Variants in RHBDL3 observed in about 807,000 individuals in gnomAD.
The protein encoded by RHBDL3 is rhomboid like 3, also known as rhomboid-related protein 3.
In RHBDL3, 28 loss-of-function variants were observed where a neutral mutation model predicts 48.2. That is an observed-to-expected ratio of 0.58 (90% confidence interval 0.43 to 0.80). The LOEUF (loss-of-function observed/expected upper bound fraction) is 0.80. RHBDL3 is among the 30% of genes least tolerant of loss of function. RHBDL3 has a pLI of 0.00. For missense variants in RHBDL3, 464 were observed against 542.7 expected (o/e 0.85, Z 1.44); for synonymous variants, 208 against 232.3 (o/e 0.90, Z 0.95).
rs542322931 is a variant in RHBDL3 at position 32,275,787 on chromosome 17, C to T, written c.135+7862C>T. Among the ~76,000 whole-genome samples, 16 of 152,252 alleles carry T rather than the reference C, an allele frequency of 1.1e-4. No individual in the cohort carries two copies. The South Asian group carries it at 1.9e-3, about 18-fold the overall frequency. The stretch of plus-strand genomic sequence containing the variant: ...ACCATGAGAGGGCTGAGCTGCCTCC[C>T]GCACCCCTCTATGGTGGCAGCTGAG... On this transcript the variant is annotated intron_variant, in intron 2 of 8. Coordinates refer to ENST00000269051, the MANE Select transcript of RHBDL3 (RefSeq NM_138328.3).
At position 32,321,316 on chromosome 17, in the gene RHBDL3, C is replaced by T. The variant is rs1369251397; in HGVS notation, c.*87C>T. The T allele has an allele frequency of 1.3e-6, 2 of 1,588,244 alleles. No homozygotes were observed. The highest frequency in any genetic ancestry group is 1.7e-6 in the Non-Finnish European group (2 of 1,170,554). On this transcript the variant is annotated 3_prime_UTR_variant, in exon 9 of 9. Coordinates refer to ENST00000269051, the MANE Select transcript of RHBDL3 (RefSeq NM_138328.3). The stretch of plus-strand genomic sequence containing the variant: ...AGGTTTCTTCTCATCACCAGCTCAG[C>T]TAGGCCGGGCAGACAAGGACAGAAG...
intron 7 of RHBDL3, among the ~76,000 whole-genome samples, chr17:32,309,679 T>C (rs1251113023): frequency 2.0e-5 from 3 of 151,678 alleles, no homozygotes; most frequent in East Asian, 3.9e-4. Context: ...GGTAATCCCA[T>C]CTTCACAAAA....
intron 8 of RHBDL3, among the ~76,000 whole-genome samples, chr17:32,316,816 C>A (rs1001152620): frequency 6.6e-6 from 1 of 150,604 alleles, no homozygotes; most frequent in African/African-American, 2.4e-5. Flanking sequence ...CCACGCCTGG[C>A]CTTTTATTTT....
chr17:32,289,683 C>T (rs1352335836), intron 4 of RHBDL3, among the ~76,000 whole-genome samples: 1 of 152,204 alleles, frequency 6.6e-6, no homozygotes, highest in Non-Finnish European at 1.5e-5. Context: ...CCCCTTGCTG[C>T]GTTGGTGCCC....
intron 3 of RHBDL3, among the ~76,000 whole-genome samples, chr17:32,286,909 C>T (rs969744777): frequency 6.6e-6 from 1 of 152,224 alleles, no homozygotes; most frequent in Non-Finnish European, 1.5e-5. Context: ...GCTCCTTTAT[C>T]TGATTGGCAC....
At position 32,266,100 on chromosome 17, in the gene RHBDL3, T is replaced by G. The variant is rs1204898101; in HGVS notation, c.-90T>G. 6 of 278,338 alleles carry G rather than the reference T, an allele frequency of 2.2e-5. No homozygotes were observed. The highest frequency in any genetic ancestry group is 6.9e-5 in the Admixed American group (1 of 14,546). 17.2% of individuals were successfully genotyped at this position (278,338 alleles called of 1,614,324 possible). On this transcript the variant is annotated 5_prime_UTR_variant, in exon 1 of 9. Transcript: ENST00000269051. ...GGCGGCGCGGCGCGCACTGAGCCCC[T>G]GGAGCGGCGCGGCCGCCGCGGCGCA...
chr17:32,282,789 A>AT (rs1170211917), intron 2 of RHBDL3, among the ~76,000 whole-genome samples: 1 of 151,918 alleles, frequency 6.6e-6, no homozygotes, highest in Non-Finnish European at 1.5e-5. Flanking sequence ...CGCCCGGCTA[A>AT]TTTTTTGTAT....
chr17:32,307,350 C>A (rs2098958524), intron 7 of RHBDL3, among the ~76,000 whole-genome samples: 1 of 152,162 alleles, frequency 6.6e-6, no homozygotes, highest in South Asian at 2.1e-4. Flanking sequence ...TCTTCGCCCA[C>A]GTGGCAGATG....
intron 6 of RHBDL3, among the ~76,000 whole-genome samples, chr17:32,298,750 C>G (rs1299300460): frequency 6.6e-6 from 1 of 152,120 alleles, no homozygotes; most frequent in Non-Finnish European, 1.5e-5. Flanking sequence ...ACCGCAGTCC[C>G]CTTGCCTGAC....
At chr17:32,275,587 T>C (rs962077206) in intron 2 of RHBDL3, among the ~76,000 whole-genome samples, 4 of 150,024 alleles carry the variant, frequency 2.7e-5, no homozygotes, top group Admixed American at 1.3e-4. Flanking sequence ...TTCCCAGATG[T>C]TGGGAGAGCT....
chr17:32,276,977 C>T (rs912137325), intron 2 of RHBDL3, among the ~76,000 whole-genome samples: 2 of 152,168 alleles, frequency 1.3e-5, no homozygotes, highest in East Asian at 3.9e-4. Flanking sequence ...AGTACTGCAG[C>T]CCTAGCACTG....
At chr17:32,307,122 C>T (rs927485487) in intron 7 of RHBDL3, among the ~76,000 whole-genome samples, 13 of 151,998 alleles carry the variant, frequency 8.6e-5, no homozygotes, top group Admixed American at 3.9e-4. Context: ...TTTTTGGAGG[C>T]GGTCTGAAGT....
chr17:32,271,754 A>G (rs1456561292), intron 2 of RHBDL3, among the ~76,000 whole-genome samples: 1 of 152,230 alleles, frequency 6.6e-6, no homozygotes, highest in Non-Finnish European at 1.5e-5. Context: ...CAGTATTGAA[A>G]GTAACTTGAC....
rs556497653 is a variant in RHBDL3, at chr17:32,313,077, T to C, written c.883-3155T>C. On this transcript the variant is annotated intron_variant, in intron 7 of 8. Transcript: ENST00000269051. ...TTGGCCTCTCCCAAAGCACTGGGAT[T>C]ACAGGCGTGAGCACCTAGCCTGTAA... Among the ~76,000 whole-genome samples the C allele has an allele frequency of 3.3e-5, 5 of 151,664 alleles. No individual in the cohort carries two copies. In the East Asian group the frequency reaches 9.9e-4, roughly 30 times the overall value.
At chr17:32,280,827 A>C (rs1029286875) in intron 2 of RHBDL3, 1 of 152,346 alleles carries the variant, frequency 6.6e-6, no homozygotes, top group South Asian at 2.1e-4. Context: ...CTGTGCACTC[A>C]TGCTCTCTCT....
chr17:32,272,766 G>T (rs974342689), intron 2 of RHBDL3, among the ~76,000 whole-genome samples: 1 of 152,178 alleles, frequency 6.6e-6, no homozygotes, highest in Non-Finnish European at 1.5e-5. Flanking sequence ...ACTTCGCCTG[G>T]CTGCCTGCCT....
At chr17:32,269,158 G>T (rs1248911681) in intron 2 of RHBDL3, among the ~76,000 whole-genome samples, 1 of 152,074 alleles carries the variant, frequency 6.6e-6, no homozygotes, top group South Asian at 2.1e-4. Flanking sequence ...GACCAGCCTC[G>T]CCAACAAAGT....
intron 5 of RHBDL3, among the ~76,000 whole-genome samples, chr17:32,295,586 C>G (rs2040427276): frequency 6.6e-6 from 1 of 152,222 alleles, no homozygotes; most frequent in South Asian, 2.1e-4. Context: ...TGGGTTGGGA[C>G]TGTCTGCCTT....
intron 8 of RHBDL3, among the ~76,000 whole-genome samples, chr17:32,319,921 T>C (rs2041080637): frequency 1.3e-5 from 2 of 152,106 alleles, no homozygotes; most frequent in African/African-American, 4.8e-5. Flanking sequence ...CTTGACTGGC[T>C]GACCCAAGAA....
Sources: gnomAD v4.1 joint callset for allele counts (sites outside exome capture counted in the v4.1 genomes callset) on GRCh38, gnomAD v4.1.1 for gene constraint, MANE v1.5 for transcripts, NCBI Gene and HGNC (gene_info 2026-07-23, HGNC 2026-07-21) for gene names.